PARN: variants seen among roughly 807,000 people sequenced by gnomAD.
PARN encodes the protein poly(A)-specific ribonuclease.
Under a neutral mutation model 102.8 loss-of-function variants are expected in PARN, and 71 were observed. The ratio of observed to expected loss-of-function variants is 0.69; its 90% CI spans 0.57 to 0.84. The LOEUF (loss-of-function observed/expected upper bound fraction) is 0.84. Ranked by LOEUF, PARN falls within the 40% of genes least tolerant of loss-of-function variation. PARN has a pLI of 0.00. For synonymous variants in PARN, 261 were observed against 252.9 expected (o/e 1.03, Z -0.30); for missense variants, 782 against 760.9 (o/e 1.03, Z -0.33).
chr16:14,586,410 G>T (rs1416881677), intron 13 of PARN, 49 bp from the exon 14 acceptor site: 1 of 1,149,266 alleles, frequency 8.7e-7, no homozygotes, highest in Non-Finnish European at 1.3e-6. Context: ...TACACTCGCA[G>T]TATTAAAAAA....
chr16:14,488,806 T>C (rs953894321), intron 21 of PARN, among the ~76,000 whole-genome samples: 1 of 151,976 alleles, frequency 6.6e-6, no homozygotes, highest in African/African-American at 2.4e-5. Context: ...TTAAAGATGA[T>C]CATTCTCACT....
At chr16:14,540,039 C>A (rs992042040) in intron 21 of PARN, among the ~76,000 whole-genome samples, 3 of 152,080 alleles carry the variant, frequency 2.0e-5, no homozygotes, top group African/African-American at 7.2e-5. Flanking sequence ...TATATCAAGG[C>A]CTTGAACATG....
intron 23 of PARN, among the ~76,000 whole-genome samples, chr16:14,441,990 C>T (rs982598531): frequency 1.3e-5 from 2 of 152,146 alleles, no homozygotes; most frequent in Non-Finnish European, 2.9e-5. Context: ...AAAGGCCTAA[C>T]ATGTTGTTTT....
intron 7 of PARN, 141 bp from the exon 8 acceptor site, chr16:14,609,264 G>C (rs1023672410): frequency 3.4e-6 from 2 of 580,142 alleles, no homozygotes; most frequent in Non-Finnish European, 6.0e-6. Flanking sequence ...AGAAATTTTA[G>C]TTCAAAGACT....
intron 21 of PARN, among the ~76,000 whole-genome samples, chr16:14,507,650 C>T (rs1167706513): frequency 6.6e-6 from 1 of 151,956 alleles, no homozygotes; most frequent in African/African-American, 2.4e-5. Flanking sequence ...GATTGCACCA[C>T]TGCACTCCAG....
chr16:14,617,520 G>A, intron 6 of PARN, 70 bp downstream of exon 6: 1 of 830,386 alleles, frequency 1.2e-6, no homozygotes, highest in Non-Finnish European at 2.1e-6. Flanking sequence ...TCTCAACCAA[G>A]TTCAGACTTA....
chr16:14,482,205 T>C (rs1963419058), intron 22 of PARN, among the ~76,000 whole-genome samples: 2 of 152,146 alleles, frequency 1.3e-5, no homozygotes, highest in African/African-American at 4.8e-5. Flanking sequence ...GAGACCAGCA[T>C]GGGCAATAGA....
At chr16:14,619,557 T>C (rs1301289236) in intron 5 of PARN, among the ~76,000 whole-genome samples, 1 of 151,818 alleles carries the variant, frequency 6.6e-6, no homozygotes, top group Admixed American at 6.6e-5. Flanking sequence ...AGCCCAAGAC[T>C]TCGAGACCAG....
chr16:14,500,846 T>C (rs1964549906), intron 21 of PARN, among the ~76,000 whole-genome samples: 1 of 152,106 alleles, frequency 6.6e-6, no homozygotes, highest in Non-Finnish European at 1.5e-5. Flanking sequence ...CTGTGCCCTA[T>C]GTCAGCTTAG....
rs908041404 is a variant in PARN at position 14,610,942 on chromosome 16, A to G, written c.389-133T>C. The G allele has an allele frequency of 1.3e-5, 8 of 633,700 alleles. No homozygotes were observed. In the African/African-American group the frequency reaches 1.5e-4, roughly 11 times the overall value. The allele number at this position is 633,700 out of a possible 1,614,324, so 39.3% of individuals were successfully genotyped here. A position where few individuals can be genotyped will look rare whatever the true frequency, so the allele number is the denominator to read the frequency against. On this transcript the variant is annotated intron_variant, in intron 6 of 23. Transcript: ENST00000437198. ...AACTACATCTCAAAAAATGAACAGA[A>G]AGGCAAATGATTTTGAAATGTGTTT... is the stretch of plus-strand genomic sequence containing the variant.
At chr16:14,583,809 T>C (rs993354957) in intron 16 of PARN, among the ~76,000 whole-genome samples, 1 of 152,172 alleles carries the variant, frequency 6.6e-6, no homozygotes, top group African/African-American at 2.4e-5. Flanking sequence ...TCCACATACC[T>C]TGGTGGTGGC....
intron 18 of PARN, 79 bp from the exon 19 acceptor site, chr16:14,555,788 G>GAA: frequency 2.1e-5 from 13 of 618,378 alleles, no homozygotes; most frequent in South Asian, 1.1e-4. Flanking sequence ...GGTTGAATTA[G>GAA]AAAAAAAAAA....
At chr16:14,622,193 A>T (rs1258430926) in intron 5 of PARN, among the ~76,000 whole-genome samples, 1 of 152,020 alleles carries the variant, frequency 6.6e-6, no homozygotes, top group African/African-American at 2.4e-5. Flanking sequence ...ACTCCGTCTC[A>T]AAAAAAATAA....
chr16:14,558,325 C>T (rs1967833393), intron 18 of PARN: 1 of 151,940 alleles, frequency 6.6e-6, no homozygotes, highest in African/African-American at 2.4e-5. Flanking sequence ...CGGTGAAACC[C>T]TGTCTCTACT....
rs115190404 is a variant in PARN, at chr16:14,491,025, C to T, written c.1481-8198G>A. 2.9e-3 allele frequency among the ~76,000 whole-genome samples: 439 copies of T among 152,032 alleles called. 2 individuals carry two copies. Among genetic ancestry groups the T allele is most frequent in the African/African-American group, 9.8e-3 (406 of 41,460 alleles). On this transcript the variant is annotated intron_variant, in intron 21 of 23. Coordinates refer to ENST00000437198, the MANE Select transcript of PARN (RefSeq NM_002582.4). ...GATCTCAGATGTATTTCCCCTTAACCCATCTAAGGAACTAGGCAGATACTA... is the reference window on the plus strand; with the variant it reads ...GATCTCAGATGTATTTCCCCTTAACTCATCTAAGGAACTAGGCAGATACTA...
At chr16:14,597,561 G>A (rs1251171939) in intron 12 of PARN, among the ~76,000 whole-genome samples, 2 of 152,170 alleles carry the variant, frequency 1.3e-5, no homozygotes, top group Non-Finnish European at 2.9e-5. Context: ...GCCTGGTGTG[G>A]TGGCAGGCGC....
chr16:14,587,736 TAAAG>T (rs906559203), intron 13 of PARN, among the ~76,000 whole-genome samples: 20 of 152,288 alleles, frequency 1.3e-4, no homozygotes, highest in African/African-American at 4.8e-4. Context: ...TGCCAGAACA[TAAAG>T]AAGTTAAGTT....
Position 14,581,365 on chromosome 16 carries a change from C to G in PARN, c.1193-422G>C, listed in dbSNP as rs982982340. 3.9e-5 allele frequency among the ~76,000 whole-genome samples: 6 copies of G among 152,196 alleles called. No individual in the cohort carries two copies. The East Asian group carries it at 9.7e-4, about 25-fold the overall frequency. On this transcript the variant is annotated intron_variant, in intron 17 of 23. Coordinates refer to ENST00000437198, the MANE Select transcript of PARN (RefSeq NM_002582.4). ...CTGCGCCCGGCCTGTGAAAGGTATT[C>G]TTACGCACCAAGTACCATACCACAG... is the stretch of plus-strand genomic sequence containing the variant.
chr16:14,519,828 T>C (rs946770228), intron 21 of PARN, among the ~76,000 whole-genome samples: 1 of 152,212 alleles, frequency 6.6e-6, no homozygotes, highest in Non-Finnish European at 1.5e-5. Context: ...AAAGTTTCTC[T>C]TTATAGATAT....
Sources: gnomAD v4.1 joint callset for allele counts (sites outside exome capture counted in the v4.1 genomes callset) on GRCh38, gnomAD v4.1.1 for gene constraint, MANE v1.5 for transcripts, NCBI Gene and HGNC (gene_info 2026-07-23, HGNC 2026-07-21) for gene names.